The following IKZF3 variants were observed in gnomAD, a reference collection of about 807,000 sequenced individuals.
IKZF3 encodes IKAROS family zinc finger 3.
Under a neutral mutation model 49.0 loss-of-function variants are expected in IKZF3, and 10 were observed. The ratio of observed to expected loss-of-function variants is 0.20; its 90% CI spans 0.13 to 0.35. IKZF3 has a LOEUF of 0.35. IKZF3 is among the 10% of genes least tolerant of loss of function. The pLI, the probability that IKZF3 is intolerant of heterozygous loss-of-function variation, is 1.00. For synonymous variants in IKZF3, 209 were observed against 228.2 expected (o/e 0.92, Z 0.76); for missense variants, 498 against 664.8 (o/e 0.75, Z 2.76).
chr17:39,845,603 T>C (rs1267069412), intron 1 of IKZF3, among the ~76,000 whole-genome samples: 1 of 152,200 alleles, frequency 6.6e-6, no homozygotes, highest in Non-Finnish European at 1.5e-5. Flanking sequence ...TGGCTGCTTT[T>C]GTACTCCATC....
chr17:39,846,495 T>G (rs868854933), intron 1 of IKZF3, among the ~76,000 whole-genome samples: 3,482 of 151,258 alleles, frequency 0.023, 58 homozygotes, highest in Non-Finnish European at 0.036. Context: ...AGGTTTTTTT[T>G]TTTTTTTTTT....
chr17:39,792,641 T>A, intron 4 of IKZF3, 32 bp downstream of exon 4: 1 of 1,595,608 alleles, frequency 6.3e-7, no homozygotes, highest in African/African-American at 1.3e-5. Context: ...TTAGGAGAGT[T>A]TTCAGAAGAA....
intron 3 of IKZF3, among the ~76,000 whole-genome samples, chr17:39,804,187 C>G (rs2144031449): frequency 6.6e-6 from 1 of 152,116 alleles, no homozygotes; most frequent in East Asian, 1.9e-4. Context: ...GCCTGTAATC[C>G]CAACACTCCA....
intron 4 of IKZF3, among the ~76,000 whole-genome samples, chr17:39,792,187 G>A (rs759101039): frequency 6.6e-6 from 1 of 152,064 alleles, no homozygotes; most frequent in African/African-American, 2.4e-5. Context: ...GGATGGAATC[G>A]ACTGGCTCAA....
chr17:39,815,177 C>T (rs747603558), intron 3 of IKZF3, among the ~76,000 whole-genome samples: 3 of 152,184 alleles, frequency 2.0e-5, no homozygotes, highest in South Asian at 4.1e-4. Context: ...CATGACAGAA[C>T]CTTTCCTTCT....
intron 1 of IKZF3, among the ~76,000 whole-genome samples, chr17:39,861,290 C>T (rs2063208421): frequency 6.6e-6 from 1 of 152,082 alleles, no homozygotes; most frequent in African/African-American, 2.4e-5. Context: ...GGTGAAGGAA[C>T]ATGAGAGACT....
intron 3 of IKZF3, among the ~76,000 whole-genome samples, chr17:39,821,438 C>A (rs937398885): frequency 6.6e-6 from 1 of 152,080 alleles, no homozygotes; most frequent in Non-Finnish European, 1.5e-5. Flanking sequence ...GCCATATAGT[C>A]ACCTAAGGAG....
chr17:39,776,919 C>G (rs1345250987), intron 7 of IKZF3, among the ~76,000 whole-genome samples: 1 of 152,188 alleles, frequency 6.6e-6, no homozygotes, highest in Non-Finnish European at 1.5e-5. Flanking sequence ...CAATTTATAG[C>G]AAAACTGATA....
chr17:39,784,666 T>G (rs1447945052), intron 6 of IKZF3, among the ~76,000 whole-genome samples: 1 of 152,204 alleles, frequency 6.6e-6, no homozygotes, highest in Non-Finnish European at 1.5e-5. Context: ...CCTCCCAAAG[T>G]GTCAGGATTA....
At chr17:39,792,445 T>G (rs533926510) in intron 4 of IKZF3, among the ~76,000 whole-genome samples, 1 of 152,342 alleles carries the variant, frequency 6.6e-6, no homozygotes, top group Admixed American at 6.5e-5. Flanking sequence ...TAGAACACTG[T>G]GCTCTCTACA....
intron 1 of IKZF3, chr17:39,835,437 G>A (rs944748333): frequency 8.6e-6 from 4 of 466,092 alleles, no homozygotes; most frequent in Admixed American, 7.2e-5. Context: ...GGCCTTTGAG[G>A]CCCTCTGTCT....
chr17:39,835,148 C>T, intron 1 of IKZF3: 1 of 480,676 alleles, frequency 2.1e-6, no homozygotes, highest in Non-Finnish European at 4.1e-6. Context: ...CTGAGCTCAG[C>T]CCACCTGAGT....
At chr17:39,824,324 C>G (rs571697454) in intron 3 of IKZF3, among the ~76,000 whole-genome samples, 2 of 152,276 alleles carry the variant, frequency 1.3e-5, no homozygotes, top group East Asian at 1.9e-4. Flanking sequence ...TCCATTGTAT[C>G]TGGGAAGTAA....
chr17:39,777,554 G>A (rs1243223926), intron 7 of IKZF3, 97 bp downstream of exon 7: 1 of 736,112 alleles, frequency 1.4e-6, no homozygotes, highest in Non-Finnish European at 2.3e-6. Flanking sequence ...TATTTTAACA[G>A]AGGTTAAGCT....
At chr17:39,770,573 G>A (rs2060412387) in intron 7 of IKZF3, among the ~76,000 whole-genome samples, 3 of 152,050 alleles carry the variant, frequency 2.0e-5, no homozygotes, top group Non-Finnish European at 2.9e-5. Flanking sequence ...AGAGCTAAAA[G>A]GGCCCTTAAC....
intron 5 of IKZF3, among the ~76,000 whole-genome samples, chr17:39,789,684 C>T (rs1292397462): frequency 2.0e-5 from 3 of 151,368 alleles, no homozygotes; most frequent in African/African-American, 4.9e-5. Context: ...GCTGAGATGG[C>T]GCCGCTGTAC....
chr17:39,850,721 T>C (rs865958087), intron 1 of IKZF3, among the ~76,000 whole-genome samples: 1 of 17,006 alleles, frequency 5.9e-5, no homozygotes, highest in South Asian at 1.9e-3. Context: ...ACATTATATA[T>C]ATACATATAT....
intron 1 of IKZF3, among the ~76,000 whole-genome samples, chr17:39,846,706 T>C (rs911672098): frequency 4.6e-5 from 7 of 152,070 alleles, no homozygotes; most frequent in African/African-American, 9.7e-5. Flanking sequence ...TACAATCATG[T>C]TTTTAATTCT....
At chr17:39,853,850 A>C (rs9907339) in intron 1 of IKZF3, among the ~76,000 whole-genome samples, 8,299 of 148,570 alleles carry the variant, frequency 0.056, 375 homozygotes, top group African/African-American at 0.12. Context: ...AAAAAAAAGG[A>C]AGAACACGGT....
Sources: gnomAD v4.1 joint callset for allele counts (sites outside exome capture counted in the v4.1 genomes callset) on GRCh38, gnomAD v4.1.1 for gene constraint, MANE v1.5 for transcripts, NCBI Gene and HGNC (gene_info 2026-07-23, HGNC 2026-07-21) for gene names.